Variants in PRKCB observed in about 807,000 individuals in gnomAD.
PRKCB encodes the protein protein kinase C beta.
In PRKCB, 13 loss-of-function variants were observed where a neutral mutation model predicts 81.5. The observed-to-expected ratio is 0.16, with a 90% CI of 0.10 to 0.25. PRKCB has a LOEUF of 0.25. Among genes scored for constraint, PRKCB ranks in the 10% least tolerant of loss-of-function variants. The pLI is 1.00. For missense variants in PRKCB, 509 were observed against 875.7 expected, an observed-to-expected ratio of 0.58 and a Z score of 5.29; for synonymous variants, 335 against 321.4, an observed-to-expected ratio of 1.04 and a Z score of -0.45.
intron 12 of PRKCB, among the ~76,000 whole-genome samples, chr16:24,178,917 C>T (rs1221622305): frequency 6.6e-6 from 1 of 152,170 alleles, no homozygotes; most frequent in Non-Finnish European, 1.5e-5. Context: ...CTGAAAAATC[C>T]AGGTGCAGAT....
chr16:23,934,108 C>T (rs1964024216), intron 2 of PRKCB, among the ~76,000 whole-genome samples: 1 of 152,002 alleles, frequency 6.6e-6, no homozygotes, highest in East Asian at 1.9e-4. Context: ...GGAGGATTTC[C>T]TTCCTGGACT....
intron 2 of PRKCB, among the ~76,000 whole-genome samples, chr16:23,961,195 A>G (rs982074939): frequency 6.6e-6 from 1 of 152,174 alleles, no homozygotes; most frequent in Non-Finnish European, 1.5e-5. Flanking sequence ...GGCGTGAGCC[A>G]CTGTGCCCAT....
chr16:24,125,481 C>T (rs1966841735), intron 9 of PRKCB, among the ~76,000 whole-genome samples: 1 of 152,240 alleles, frequency 6.6e-6, no homozygotes, highest in African/African-American at 2.4e-5. Flanking sequence ...CGGCTGCTTC[C>T]TGCAATTCAC....
chr16:23,957,615 G>T (rs916286895), intron 2 of PRKCB, among the ~76,000 whole-genome samples: 1 of 152,038 alleles, frequency 6.6e-6, no homozygotes, highest in Non-Finnish European at 1.5e-5. Flanking sequence ...TGAGTCTCTC[G>T]TCTGTTCCTG....
At chr16:24,020,982 TTCTTTCTTTCTTTC>T (rs1567346600) in intron 3 of PRKCB, among the ~76,000 whole-genome samples, 2 of 109,360 alleles carry the variant, frequency 1.8e-5, no homozygotes, top group East Asian at 6.1e-4. Flanking sequence ...TTCTTTTTCT[TTCTTTCTTTCTTTC>T]TTTCTTTCTT....
intron 2 of PRKCB, among the ~76,000 whole-genome samples, chr16:23,916,040 ATCTTT>A (rs1486302447): frequency 6.6e-6 from 1 of 151,954 alleles, no homozygotes; most frequent in African/African-American, 2.4e-5. Flanking sequence ...GATCTGCAGT[ATCTTT>A]TCTTTAATTT....
chr16:24,077,176 G>A (rs1478221984), intron 5 of PRKCB, among the ~76,000 whole-genome samples: 1 of 151,994 alleles, frequency 6.6e-6, no homozygotes, highest in African/African-American at 2.4e-5. Flanking sequence ...TTTTGAAGAT[G>A]CACATGCACG....
intron 3 of PRKCB, among the ~76,000 whole-genome samples, chr16:24,004,115 C>T (rs1373312786): frequency 2.0e-5 from 3 of 151,938 alleles, no homozygotes; most frequent in Non-Finnish European, 4.4e-5. Context: ...AAAAATATGC[C>T]AGCAAGGAAC....
At chr16:23,911,111 C>A (rs1181035401) in intron 2 of PRKCB, among the ~76,000 whole-genome samples, 1 of 107,700 alleles carries the variant, frequency 9.3e-6, no homozygotes, top group Non-Finnish European at 1.9e-5. Flanking sequence ...TTATAAATAG[C>A]CATAAACGTA....
At chr16:23,905,444 A>G (rs1963544043) in intron 2 of PRKCB, among the ~76,000 whole-genome samples, 1 of 152,230 alleles carries the variant, frequency 6.6e-6, no homozygotes, top group South Asian at 2.1e-4. Flanking sequence ...CCCAGTTAAC[A>G]GGATGCCTGG....
At chr16:23,946,887 G>A (rs1466837008) in intron 2 of PRKCB, among the ~76,000 whole-genome samples, 1 of 144,178 alleles carries the variant, frequency 6.9e-6, no homozygotes, top group South Asian at 2.2e-4. Flanking sequence ...ACAGGGTCTT[G>A]TGCCGTCATC....
At chr16:23,907,317 G>A (rs151168693) in intron 2 of PRKCB, among the ~76,000 whole-genome samples, 41 of 152,344 alleles carry the variant, frequency 2.7e-4, no homozygotes, top group Admixed American at 1.7e-3. Context: ...GTCTTGTTCC[G>A]TTGCCCATGC....
At chr16:23,838,419 C>T (rs980110698) in intron 2 of PRKCB, among the ~76,000 whole-genome samples, 2 of 152,196 alleles carry the variant, frequency 1.3e-5, no homozygotes, top group Non-Finnish European at 2.9e-5. Context: ...TTTAAGTTTG[C>T]AACCTCTCAT....
chr16:24,218,970 C>T lies in PRKCB; in HGVS notation c.*4154C>T, dbSNP rs777031701. On this transcript the variant is annotated 3_prime_UTR_variant, in exon 17 of 17. Coordinates refer to ENST00000643927, the MANE Select transcript of PRKCB (RefSeq NM_002738.7). ...CAAGCCACCCTGCCTGCTTGTGCCT[C>T]GGTTCTCTCATATGTCATATATAGG... The T allele has an allele frequency of 4.0e-5, 39 of 985,352 alleles. No individual in the cohort carries two copies. The highest frequency in any genetic ancestry group is 5.2e-5 in the African/African-American group (3 of 57,322). The allele number at this position is 985,352 out of a possible 1,614,324, so 61.0% of individuals were successfully genotyped here.
At chr16:24,151,983 G>C in intron 9 of PRKCB, 1 of 442,408 alleles carries the variant, frequency 2.3e-6, no homozygotes, top group Non-Finnish European at 4.6e-6. Flanking sequence ...CTGCACTGAA[G>C]GTGTCTAGGG....
rs116279652 is a variant in PRKCB at position 24,107,132 on chromosome 16, A to G, written c.822-5841A>G. ...CTCAAATGAATTTTTTAATTCAGTG[A>G]TTATATTTTTCTTCCGAAAGTAGTC... On this transcript the variant is annotated intron_variant, in intron 7 of 16. Coordinates refer to ENST00000643927, the MANE Select transcript of PRKCB (RefSeq NM_002738.7). Among the ~76,000 whole-genome samples the G allele has an allele frequency of 6.2e-3, 951 of 152,290 alleles. 13 individuals are homozygous for G. Among genetic ancestry groups the G allele is most frequent in the African/African-American group, 0.022 (922 of 41,564 alleles).
chr16:24,060,123 G>A (rs570602168), intron 5 of PRKCB, among the ~76,000 whole-genome samples: 1 of 152,318 alleles, frequency 6.6e-6, no homozygotes, highest in South Asian at 2.1e-4. Context: ...ATAGGGATAG[G>A]AATTAAGCAG....
chr16:24,138,879 G>A (rs1313977157), intron 9 of PRKCB, among the ~76,000 whole-genome samples: 1 of 116,344 alleles, frequency 8.6e-6, no homozygotes, highest in East Asian at 2.6e-4. Flanking sequence ...TTGAGACACA[G>A]TCTTGCTCTG....
intron 2 of PRKCB, among the ~76,000 whole-genome samples, chr16:23,860,077 C>T (rs72777933): frequency 0.18 from 26,630 of 152,054 alleles, 2,882 homozygotes; most frequent in East Asian, 0.33. Context: ...AGGAATTAGA[C>T]AGACCTGCAT....
Sources: allele counts gnomAD v4.1 joint callset (sites outside exome capture counted in the v4.1 genomes callset), GRCh38; gene constraint gnomAD v4.1.1; transcripts MANE v1.5; gene names NCBI Gene and HGNC (gene_info 2026-07-23, HGNC 2026-07-21).